Variants in RALYL observed in about 807,000 individuals in gnomAD.
RALYL encodes the protein RNA-binding Raly-like protein.
RALYL carries 29 observed loss-of-function variants against 35.1 expected under a neutral mutation model. That is an observed-to-expected ratio of 0.83 (90% CI 0.61 to 1.13). The LOEUF is 1.13. Ranked by LOEUF, RALYL falls within the 50% of genes most tolerant of loss-of-function variation. The pLI is 0.00. For missense variants in RALYL, 359 were observed against 360.4 expected, an observed-to-expected ratio of 1.00 and a Z score of 0.03; for synonymous variants, 120 against 127.6, an observed-to-expected ratio of 0.94 and a Z score of 0.40.
At chr8:84,742,863 T>G (rs571918363) in intron 2 of RALYL, among the ~76,000 whole-genome samples, 1 of 152,120 alleles carries the variant, frequency 6.6e-6, no homozygotes, top group East Asian at 1.9e-4. Context: ...CAAGAAAGGA[T>G]AGTTGTCCTA....
chr8:84,730,730 A>C (rs767700970), intron 2 of RALYL, among the ~76,000 whole-genome samples: 1 of 152,090 alleles, frequency 6.6e-6, no homozygotes, highest in Non-Finnish European at 1.5e-5. Flanking sequence ...ATGGGACATA[A>C]CAAAACTCGT....
At chr8:84,517,709 A>G (rs367882440) in intron 1 of RALYL, among the ~76,000 whole-genome samples, 8 of 152,316 alleles carry the variant, frequency 5.3e-5, no homozygotes, top group African/African-American at 1.9e-4. Context: ...AACTCAATGT[A>G]CCTGAAAACA....
At chr8:84,479,801 T>C (rs1476826787) in intron 1 of RALYL, among the ~76,000 whole-genome samples, 1 of 152,160 alleles carries the variant, frequency 6.6e-6, no homozygotes, top group Non-Finnish European at 1.5e-5. Context: ...CCTGCTGTTT[T>C]CTATTTGAGC....
intron 1 of RALYL, among the ~76,000 whole-genome samples, chr8:84,414,293 C>T (rs1465544608): frequency 6.6e-6 from 1 of 152,116 alleles, no homozygotes; most frequent in African/African-American, 2.4e-5. Flanking sequence ...TTGGCCTCCT[C>T]CTGATGTCAT....
At chr8:84,206,458 A>G (rs1173329935) in intron 1 of RALYL, among the ~76,000 whole-genome samples, 1 of 152,188 alleles carries the variant, frequency 6.6e-6, no homozygotes, top group South Asian at 2.1e-4. Context: ...CATCAAGGCT[A>G]TATACACGAG....
At chr8:84,242,182 TTA>T (rs1345101481) in intron 1 of RALYL, among the ~76,000 whole-genome samples, 2 of 152,230 alleles carry the variant, frequency 1.3e-5, no homozygotes, top group Non-Finnish European at 2.9e-5. Flanking sequence ...AGACACGGTC[TTA>T]TTCCTTTTAA....
intron 2 of RALYL, among the ~76,000 whole-genome samples, chr8:84,720,433 A>C (rs1843681239): frequency 6.6e-6 from 1 of 152,154 alleles, no homozygotes; most frequent in South Asian, 2.1e-4. Flanking sequence ...AGGGTGCTGG[A>C]AAAGCTGAAT....
intron 2 of RALYL, among the ~76,000 whole-genome samples, chr8:84,738,514 G>C (rs1241199304): frequency 6.6e-6 from 1 of 151,968 alleles, no homozygotes; most frequent in East Asian, 1.9e-4. Flanking sequence ...TACTCTTTCA[G>C]ATATTTTTCT....
At chr8:84,577,299 G>T (rs1198436680) in intron 2 of RALYL, among the ~76,000 whole-genome samples, 4 of 152,216 alleles carry the variant, frequency 2.6e-5, no homozygotes, top group African/African-American at 9.6e-5. Flanking sequence ...AGCAGGAAAG[G>T]CTAAATGTCA....
intron 1 of RALYL, among the ~76,000 whole-genome samples, chr8:84,233,534 A>G (rs1563578160): frequency 6.6e-6 from 1 of 152,102 alleles, no homozygotes; most frequent in Non-Finnish European, 1.5e-5. Context: ...CTTGCCTTTT[A>G]AATTTGAGAT....
At chr8:84,820,842 T>G (rs1382689656) in intron 4 of RALYL, among the ~76,000 whole-genome samples, 1 of 152,116 alleles carries the variant, frequency 6.6e-6, no homozygotes, top group Admixed American at 6.6e-5. Context: ...GAAAGATATA[T>G]TTACTGAATG....
At chr8:84,332,942 T>A (rs1847120525) in intron 1 of RALYL, among the ~76,000 whole-genome samples, 1 of 152,128 alleles carries the variant, frequency 6.6e-6, no homozygotes, top group South Asian at 2.1e-4. Flanking sequence ...GCAGCGCTGT[T>A]ATTTCAAGCC....
At chr8:84,792,567 G>A (rs377580379) in intron 3 of RALYL, among the ~76,000 whole-genome samples, 3 of 152,296 alleles carry the variant, frequency 2.0e-5, no homozygotes, top group East Asian at 3.9e-4. Flanking sequence ...CTCATTTAGG[G>A]CCACGGGTTT....
At chr8:84,852,599 A>G (rs1166589560) in intron 5 of RALYL, among the ~76,000 whole-genome samples, 1 of 152,206 alleles carries the variant, frequency 6.6e-6, no homozygotes, top group East Asian at 1.9e-4. Flanking sequence ...TTTATTTTCT[A>G]TCATATGACT....
intron 2 of RALYL, among the ~76,000 whole-genome samples, chr8:84,685,132 A>G (rs566747500): frequency 6.6e-6 from 1 of 152,146 alleles, no homozygotes; most frequent in East Asian, 1.9e-4. Flanking sequence ...TCCAAATACA[A>G]TCACATTGGA....
At chr8:84,381,419 C>A (rs951932287) in intron 1 of RALYL, among the ~76,000 whole-genome samples, 1 of 151,902 alleles carries the variant, frequency 6.6e-6, no homozygotes, top group African/African-American at 2.4e-5. Context: ...AACACTAACT[C>A]TTCCACCTGT....
intron 1 of RALYL, among the ~76,000 whole-genome samples, chr8:84,451,369 T>C (rs922073507): frequency 1.3e-5 from 2 of 152,000 alleles, no homozygotes; most frequent in African/African-American, 2.4e-5. Flanking sequence ...ACTGATATAG[T>C]ATGCTCCCCA....
chr8:84,629,261 T>A (rs930100721), intron 2 of RALYL, among the ~76,000 whole-genome samples: 1 of 152,058 alleles, frequency 6.6e-6, no homozygotes, highest in Non-Finnish European at 1.5e-5. Context: ...AACTTTAGTA[T>A]CTCCTTCACC....
At chr8:84,728,994 T>A (rs1589233038) in intron 2 of RALYL, among the ~76,000 whole-genome samples, 1 of 152,178 alleles carries the variant, frequency 6.6e-6, no homozygotes, top group Non-Finnish European at 1.5e-5. Context: ...GAAAGTAGTT[T>A]TTTCCAATTC....
Sources: allele counts gnomAD v4.1 joint callset (sites outside exome capture counted in the v4.1 genomes callset), GRCh38; gene constraint gnomAD v4.1.1; transcripts MANE v1.5; gene names NCBI Gene and HGNC (gene_info 2026-07-23, HGNC 2026-07-21).